The following NKX2-1 variants were observed in gnomAD, a reference collection of about 807,000 sequenced individuals.
NKX2-1 encodes the protein NK2 homeobox 1.
NKX2-1 carries 9 observed loss-of-function variants against 35.1 expected under a neutral mutation model. The observed-to-expected ratio is 0.26, with a 90% CI of 0.15 to 0.45. NKX2-1 has a LOEUF of 0.45. NKX2-1 is among the 20% of genes least tolerant of loss of function. The pLI is 1.00. For missense variants in NKX2-1, 509 were observed against 589.1 expected (o/e 0.86, Z 1.41); for synonymous variants, 284 against 269.9 (o/e 1.05, Z -0.51).
In NKX2-1 at chr14:36,517,335, CGAG is replaced by C. The variant is rs903233524; in HGVS notation, c.1146_1148del (p.Ser383del). The C allele has an allele frequency of 1.1e-5, 17 of 1,611,900 alleles. 1 individual carries two copies. In the African/African-American group the frequency reaches 2.1e-4, roughly 20 times the overall value. ...AGGACATGGTGCCGTAGTCCGAGCC[CGAG>C]GAGTTCAGGTGGGACAGGCTGGATA... On this transcript the variant is annotated inframe_deletion, in exon 3 of 3. Transcript: ENST00000354822.
chr14:36,519,914 A>C, intron 1 of NKX2-1, 139 bp downstream of exon 1: 1 of 1,327,962 alleles, frequency 7.5e-7, no homozygotes, highest in Non-Finnish European at 1.0e-6. Context: ...GAGATGGTTG[A>C]GAGGAAGGAA....
intron 2 of NKX2-1, among the ~76,000 whole-genome samples, chr14:36,518,633 C>T (rs1000438679): frequency 6.6e-6 from 1 of 152,136 alleles, no homozygotes; most frequent in African/African-American, 2.4e-5. Context: ...CCCTCCTGGC[C>T]CGGTCTAGCC....
chr14:36,517,970 C>T lies in NKX2-1; in HGVS notation c.514G>A (p.Gly172Ser), dbSNP rs1256818811. The change falls in exon 3 of 3, where the codon GGC becomes AGC. Residue 172 changes from glycine to serine, a missense_variant. Gly to Ser is a moderately conservative substitution (Grantham distance 56). This residue lies in a region of NKX2-1 where 271 missense variants were observed against 284.1 expected (regional missense o/e 0.95). Coordinates refer to ENST00000354822, the MANE Select transcript of NKX2-1 (RefSeq NM_001079668.3). Reference protein sequence around the residue: ...ASGMNMSGMGGLGSLGDVSKN... With the variant: ...ASGMNMSGMGSLGSLGDVSKN... ...CTCACGTCCCCCAGCGAGCCCAGGCCGCCCATGCCGCTCATGTTCATGCCG... is the reference window on the plus strand; with the variant it reads ...CTCACGTCCCCCAGCGAGCCCAGGCTGCCCATGCCGCTCATGTTCATGCCG... The T allele has an allele frequency of 2.5e-6, 4 of 1,599,760 alleles. No homozygotes were observed. In the African/African-American group the frequency reaches 5.3e-5, roughly 21 times the overall value.
chr14:36,518,870 G>A (rs909896613), intron 2 of NKX2-1, 115 bp downstream of exon 2: 9 of 1,321,044 alleles, frequency 6.8e-6, no homozygotes, highest in East Asian at 2.9e-5. Context: ...CGCCGCTGCC[G>A]GGCCGCCCTC....
In NKX2-1 at chr14:36,516,401, A is replaced by C. The variant is rs1412486878; in HGVS notation, c.*877T>G. The C allele has an allele frequency of 1.9e-5, 4 of 216,186 alleles. No homozygotes were observed. The Admixed American group carries it at 2.3e-4, about 13-fold the overall frequency. 13.4% of individuals were successfully genotyped at this position (216,186 alleles called of 1,614,324 possible). A position where few individuals can be genotyped will look rare whatever the true frequency, so the allele number is the denominator to read the frequency against. ...AAAACAAAACAAAAAGGAGGGTTTT[A>C]ATCAGAAAAAGAATCTTTTTAATTT... On this transcript the variant is annotated 3_prime_UTR_variant, in exon 3 of 3. Coordinates refer to ENST00000354822, the MANE Select transcript of NKX2-1 (RefSeq NM_001079668.3).
In NKX2-1 at chr14:36,519,260, C is replaced by A. The variant is rs200134608; in HGVS notation, c.188G>T (p.Gly63Val). The change falls in exon 2 of 3, where the codon GGC becomes GTC. Residue 63 changes from glycine (G) to valine (V), a missense_variant. Gly to Val is a moderately radical substitution (Grantham distance 109). Around this residue, in one of 5 missense-constraint regions of NKX2-1, gnomAD observed 271 missense variants for 284.1 expected, o/e 0.95. Coordinates refer to ENST00000354822, the MANE Select transcript of NKX2-1 (RefSeq NM_001079668.3). Reference protein sequence around the residue: ...SYKKVGMEGGGLGAPLAAYRQ... With the variant: ...SYKKVGMEGGVLGAPLAAYRQ... Reference sequence around the variant, plus strand: ...GTACGCCGCCAGCGGAGCCCCGAGGCCGCCGCCCTCCATGCCCACTTTCTT... The same window carrying A: ...GTACGCCGCCAGCGGAGCCCCGAGGACGCCGCCCTCCATGCCCACTTTCTT... 6 of 1,610,472 alleles carry A rather than the reference C, an allele frequency of 3.7e-6. No homozygotes were observed. The highest frequency in any genetic ancestry group is 2.7e-5 in the African/African-American group (2 of 74,848).
At position 36,517,933 on chromosome 14, in the gene NKX2-1, G is replaced by T; in HGVS notation, c.551C>A (p.Ala184Asp). ...GSLGDVSKNM[A>D]PLPSAPRRKR... is the part of the protein sequence containing the mutation. ...CCTGCGCGGCGCGCTTGGCAGCGGGGCCATGTTCTTGCTCACGTCCCCCAG... is the reference window on the plus strand; with the variant it reads ...CCTGCGCGGCGCGCTTGGCAGCGGGTCCATGTTCTTGCTCACGTCCCCCAG... Residue 184 changes from alanine to aspartate, a missense_variant, in exon 3 of 3, where the codon GCC (alanine) becomes GAC (aspartate). Ala to Asp is a moderately radical substitution (Grantham distance 126). Around this residue, in one of 5 missense-constraint regions of NKX2-1, gnomAD observed 271 missense variants for 284.1 expected, o/e 0.95. Transcript: ENST00000354822. 6.2e-7 allele frequency: 1 copy of T among 1,605,324 alleles called. No homozygotes were observed. Among genetic ancestry groups the T allele is most frequent in the Non-Finnish European group, 8.5e-7 (1 of 1,179,652 alleles).
chr14:36,517,228 GA>G lies in NKX2-1; in HGVS notation c.*49del, dbSNP rs1207582248. 10 of 1,571,298 alleles carry G rather than the reference GA, an allele frequency of 6.4e-6. No homozygotes were observed. The highest frequency in any genetic ancestry group is 8.6e-6 in the Non-Finnish European group (10 of 1,159,864). ...GGATGGTGGTCTGTGTGGCGGGCAG[GA>G]GGGAAGCGGTGAGGCAGAGCGCTGG... is the stretch of plus-strand genomic sequence containing the variant. On this transcript the variant is annotated 3_prime_UTR_variant, in exon 3 of 3. Coordinates refer to ENST00000354822, the MANE Select transcript of NKX2-1 (RefSeq NM_001079668.3).
At position 36,517,227 on chromosome 14, in the gene NKX2-1, G is replaced by C. The variant is rs750740881; in HGVS notation, c.*51C>G. ...TGGATGGTGGTCTGTGTGGCGGGCA[G>C]GAGGGAAGCGGTGAGGCAGAGCGCT... is the stretch of plus-strand genomic sequence containing the variant. On this transcript the variant is annotated 3_prime_UTR_variant, in exon 3 of 3. Transcript: ENST00000354822. The C allele has an allele frequency of 6.4e-7, 1 of 1,570,584 alleles. No homozygotes were observed. The highest frequency in any genetic ancestry group is 1.9e-5 in the Admixed American group (1 of 51,992).
At position 36,518,963 on chromosome 14, in the gene NKX2-1, G is replaced by C. The variant is rs764008587; in HGVS notation, c.463+22C>G. The C allele has an allele frequency of 2.6e-6, 4 of 1,550,118 alleles. No individual in the cohort carries two copies. In the African/African-American group the frequency reaches 4.2e-5, roughly 16 times the overall value. The stretch of plus-strand genomic sequence containing the variant: ...CCTCCTGAGCTCAGCCCGCGGCCCC[G>C]CAGTGGGGCGGCCTCACTTACTGGC... On this transcript the variant is annotated intron_variant, in intron 2 of 2. Coordinates refer to ENST00000354822, the MANE Select transcript of NKX2-1 (RefSeq NM_001079668.3).
rs1594403401 is a variant in NKX2-1 at position 36,517,494 on chromosome 14, C to T, written c.990G>A (p.Ala330=). ...AQHQAQAAQA[A]AAAISVGSGG... Reference sequence around the variant, plus strand: ...CGCTGCCCACGGAGATGGCCGCTGCCGCCGCCTGCGCGGCCTGCGCCTGGT... The same window carrying T: ...CGCTGCCCACGGAGATGGCCGCTGCTGCCGCCTGCGCGGCCTGCGCCTGGT... Residue 330 remains alanine (A), a synonymous_variant, in exon 3 of 3, where the codon GCG becomes GCA. Coordinates refer to ENST00000354822, the MANE Select transcript of NKX2-1 (RefSeq NM_001079668.3). 4 of 1,347,704 alleles carry T rather than the reference C, an allele frequency of 3.0e-6. No individual in the cohort carries two copies. The East Asian group carries it at 9.4e-5, about 32-fold the overall frequency. The allele number at this position is 1,347,704 out of a possible 1,614,324, so 83.5% of individuals were successfully genotyped here.
chr14:36,517,257 T>C lies in NKX2-1; in HGVS notation c.*21A>G. ...GAAGCGGTGAGGCAGAGCGCTGGGC[T>C]AGGGCCGGCCCGGCGTCCTCTCACC... On this transcript the variant is annotated 3_prime_UTR_variant, in exon 3 of 3. Coordinates refer to ENST00000354822, the MANE Select transcript of NKX2-1 (RefSeq NM_001079668.3). 3.8e-6 allele frequency: 6 copies of C among 1,589,514 alleles called. No homozygotes were observed. Among genetic ancestry groups the C allele is most frequent in the Non-Finnish European group, 5.1e-6 (6 of 1,170,164 alleles).
chr14:36,519,127 C>T lies in NKX2-1; in HGVS notation c.321G>A (p.Gln107=). 2 of 1,606,454 alleles carry T rather than the reference C, an allele frequency of 1.2e-6. No homozygotes were observed. Among genetic ancestry groups the T allele is most frequent in the Admixed American group, 1.7e-5 (1 of 59,936 alleles). ...AGCCCCCCACGGCGGAGTGCGAGAG[C>T]TGGGGCACCCCCGCCGCCGTCATGT... The part of the protein sequence containing the change: ...AYHMTAAGVP[Q]LSHSAVGGYC... Residue 107 remains glutamine (Q), a synonymous_variant, in exon 2 of 3, where the codon CAG becomes CAA. Transcript: ENST00000354822.
In NKX2-1 at chr14:36,519,225, G is replaced by T; in HGVS notation, c.223C>A (p.Gln75Lys). The change falls in exon 2 of 3, where the codon CAG becomes AAG. Residue 75 changes from glutamine to lysine, a missense_variant. Transcript: ENST00000354822. ...GAPLAAYRQG[Q>K]AAPPTAAMQQ... is the part of the protein sequence containing the mutation. ...ATGGCCGCTGTTGGCGGTGCCGCCT[G>T]GCCCTGCCTGTACGCCGCCAGCGGA... 2 of 1,606,990 alleles carry T rather than the reference G, an allele frequency of 1.2e-6. No homozygotes were observed. The highest frequency in any genetic ancestry group is 1.7e-6 in the Non-Finnish European group (2 of 1,177,196).
At position 36,517,669 on chromosome 14, in the gene NKX2-1, G is replaced by C. The variant is rs774427469; in HGVS notation, c.815C>G (p.Thr272Ser). Residue 272 changes from threonine to serine, a missense_variant, in exon 3 of 3, where the codon ACC becomes AGC. Transcript: ENST00000354822. ...DSGGGGGGGG[T>S]GCPQQQQAQQ... ...AGCCTGTTGCTGCTGCGGGCACCCG[G>C]TGCCCCCGCCGCCCCCGCCGCCGCC... The C allele has an allele frequency of 6.5e-7, 1 of 1,548,682 alleles. No individual in the cohort carries two copies. Among genetic ancestry groups the C allele is most frequent in the African/African-American group, 1.4e-5 (1 of 73,242 alleles).
In NKX2-1 at chr14:36,517,347, G is replaced by A. The variant is rs755350896; in HGVS notation, c.1137C>T (p.His379=). The A allele has an allele frequency of 6.2e-7, 1 of 1,611,494 alleles. No homozygotes were observed. The highest frequency in any genetic ancestry group is 8.5e-7 in the Non-Finnish European group (1 of 1,179,572). The part of the protein sequence containing the change: ...ALQGQVSSLS[H]LNSSGSDYGT... ...CGTAGTCCGAGCCCGAGGAGTTCAG[G>A]TGGGACAGGCTGGATACCTGGCCCT... is the stretch of plus-strand genomic sequence containing the variant. Residue 379 remains histidine (H), a synonymous_variant, in exon 3 of 3, where the codon CAC becomes CAT. Coordinates refer to ENST00000354822, the MANE Select transcript of NKX2-1 (RefSeq NM_001079668.3).
chr14:36,518,353 C>G lies in NKX2-1; in HGVS notation c.464-333G>C, dbSNP rs555062010. On this transcript the variant is annotated intron_variant, in intron 2 of 2. Transcript: ENST00000354822. ...GCCCGGGTCAGAGCATTAGGATTAGCTGGCCACAGGCGGCGAACTGGGCTC... is the reference window on the plus strand; with the variant it reads ...GCCCGGGTCAGAGCATTAGGATTAGGTGGCCACAGGCGGCGAACTGGGCTC... 2.8e-3 allele frequency among the ~76,000 whole-genome samples: 434 copies of G among 152,318 alleles called. 3 individuals carry two copies. Among genetic ancestry groups the G allele is most frequent in the African/African-American group, 9.9e-3 (412 of 41,592 alleles).
At chr14:36,519,979 A>C (rs990160382) in intron 1 of NKX2-1, 74 bp downstream of exon 1, 3 of 1,601,016 alleles carry the variant, frequency 1.9e-6, no homozygotes, top group Non-Finnish European at 1.7e-6. Flanking sequence ...ACCACTTTCC[A>C]ATTCGGTCGG....
Position 36,518,001 on chromosome 14 carries a change from C to T in NKX2-1, c.483G>A (p.Pro161=), listed in dbSNP as rs1398087348. Residue 161 remains proline, a synonymous_variant, in exon 3 of 3, where the codon CCG becomes CCA. Transcript: ENST00000354822. ...RFPAISRFMG[P]ASGMNMSGMG... ...TGCCGCTCATGTTCATGCCGCTCGC[C>T]GGGCCCATGAAGCGGGAGACTGTAA... The T allele has an allele frequency of 4.4e-6, 7 of 1,598,402 alleles. No homozygotes were observed. The South Asian group carries it at 6.6e-5, about 15-fold the overall frequency.
Sources: gnomAD v4.1 joint callset for allele counts (sites outside exome capture counted in the v4.1 genomes callset) on GRCh38, gnomAD v4.1.1 for gene constraint, gnomAD v4.1.1 regional missense constraint, MANE v1.5 for transcripts, NCBI Gene and HGNC (gene_info 2026-07-23, HGNC 2026-07-21) for gene names.